CCR3: variants seen among roughly 807,000 people sequenced by gnomAD.
The protein encoded by CCR3 is C-C chemokine receptor type 3.
For missense variants in CCR3, 419 were observed against 437.5 expected (o/e 0.96, Z 0.38); for synonymous variants, 203 against 179.2 (o/e 1.13, Z -1.06).
chr3:46,215,274 C>A (rs1399182568), intron 2 of CCR3, among the ~76,000 whole-genome samples: 1 of 152,062 alleles, frequency 6.6e-6, no homozygotes, highest in African/African-American at 2.4e-5. Flanking sequence ...GTTAAGAGTC[C>A]TAAAAGTTGA....
At chr3:46,234,376 C>T (rs937983281) in intron 2 of CCR3, among the ~76,000 whole-genome samples, 3 of 152,146 alleles carry the variant, frequency 2.0e-5, no homozygotes, top group East Asian at 3.9e-4. Flanking sequence ...GGCCTGAGGG[C>T]TCTTGATACC....
At chr3:46,225,368 T>C (rs1358803168) in intron 2 of CCR3, among the ~76,000 whole-genome samples, 1 of 152,156 alleles carries the variant, frequency 6.6e-6, no homozygotes, top group African/African-American at 2.4e-5. Flanking sequence ...TCTTTGAACA[T>C]TTTTTAGGTA....
chr3:46,257,152 A>C (rs1700443103), intron 1 of CCR3, among the ~76,000 whole-genome samples: 2 of 152,204 alleles, frequency 1.3e-5, no homozygotes, highest in Non-Finnish European at 2.9e-5. Flanking sequence ...AAGGAACAGA[A>C]GTGATACACA....
chr3:46,257,427 C>CTT lies in CCR3; in HGVS notation c.-11-7701_-11-7700dup, dbSNP rs34426861. ...CCTCATACACTTAGCTTGTCCCAGGCTTTTTTTTTTTTTTTTTTTTTCTGG... is the reference window on the plus strand; with the variant it reads ...CCTCATACACTTAGCTTGTCCCAGGCTTTTTTTTTTTTTTTTTTTTTTTCTGG... On this transcript the variant is annotated intron_variant, in intron 1 of 1. Transcript: ENST00000395940. Among the ~76,000 whole-genome samples the CTT allele has an allele frequency of 2.7e-3, 282 of 103,904 alleles. 3 individuals are homozygous for CTT. Among genetic ancestry groups the CTT allele is most frequent in the Middle Eastern group, 6.4e-3 (1 of 156 alleles). 68.2% of individuals were successfully genotyped at this position (103,904 alleles called of 152,430 possible). A position where few individuals can be genotyped will look rare whatever the true frequency, so the allele number is the denominator to read the frequency against.
intron 1 of CCR3, among the ~76,000 whole-genome samples, chr3:46,263,186 A>C (rs41276529): frequency 0.17 from 25,950 of 152,272 alleles, 2,772 homozygotes; most frequent in East Asian, 0.27. Flanking sequence ...AAACTTAAGT[A>C]ATTTTTTTAA....
At chr3:46,219,758 G>C (rs189466323) in intron 2 of CCR3, among the ~76,000 whole-genome samples, 22 of 152,200 alleles carry the variant, frequency 1.4e-4, no homozygotes, top group Admixed American at 1.1e-3. Context: ...CCTTTCCAAC[G>C]AATGGTACTG....
chr3:46,255,549 A>G (rs1700405515), intron 1 of CCR3, among the ~76,000 whole-genome samples: 1 of 152,038 alleles, frequency 6.6e-6, no homozygotes, highest in Non-Finnish European at 1.5e-5. Flanking sequence ...TAAGTCTTTG[A>G]TCCATCTTGG....
chr3:46,217,664 T>C (rs964713059), intron 2 of CCR3, among the ~76,000 whole-genome samples: 1 of 151,954 alleles, frequency 6.6e-6, no homozygotes, highest in Non-Finnish European at 1.5e-5. Flanking sequence ...TAAAAGGAAC[T>C]GCCAAAACTA....
intron 2 of CCR3, among the ~76,000 whole-genome samples, chr3:46,212,178 C>G (rs1057066983): frequency 1.3e-5 from 2 of 152,178 alleles, no homozygotes; most frequent in African/African-American, 4.8e-5. Context: ...GCCCAGGCAC[C>G]TCAACTGCAT....
In CCR3 at chr3:46,265,487, C is replaced by G. The variant is rs552199050; in HGVS notation, c.329C>G (p.Ser110Ter). The change falls in exon 2 of 2, where the codon TCA (serine) becomes TGA (stop). Residue 110 changes from serine (S) to a stop codon, truncating the protein, a stop_gained. Coordinates refer to ENST00000395940, the MANE Select transcript of CCR3 (RefSeq NM_178329.3). LOFTEE classifies it low-confidence loss of function (END_TRUNC). ...VFGHGMCKLL[S>*]GFYHTGLYSE... ...GGCCATGGCATGTGTAAGCTCCTCTCAGGGTTTTATCACACAGGCTTGTAC... is the reference window on the plus strand; with the variant it reads ...GGCCATGGCATGTGTAAGCTCCTCTGAGGGTTTTATCACACAGGCTTGTAC... 6.2e-7 allele frequency: 1 copy of G among 1,614,194 alleles called. No homozygotes were observed. The highest frequency in any genetic ancestry group is 2.2e-5 in the East Asian group (1 of 44,880).
At chr3:46,215,478 C>G (rs1379034063) in intron 2 of CCR3, among the ~76,000 whole-genome samples, 2 of 152,140 alleles carry the variant, frequency 1.3e-5, no homozygotes, top group African/African-American at 4.8e-5. Context: ...CTGGACCCTG[C>G]TGTTCAAAGT....
intron 2 of CCR3, among the ~76,000 whole-genome samples, chr3:46,236,050 T>C (rs1575492960): frequency 6.6e-6 from 1 of 152,214 alleles, no homozygotes; most frequent in Non-Finnish European, 1.5e-5. Flanking sequence ...ATAATATTTA[T>C]ATATTGATTA....
At chr3:46,244,481 G>A (rs1017213980) in intron 1 of CCR3, among the ~76,000 whole-genome samples, 1 of 152,170 alleles carries the variant, frequency 6.6e-6, no homozygotes, top group Non-Finnish European at 1.5e-5. Context: ...AGCGAAGGGA[G>A]ATAAGGGTGG....
At chr3:46,231,046 T>A (rs1218153286) in intron 2 of CCR3, among the ~76,000 whole-genome samples, 1 of 152,194 alleles carries the variant, frequency 6.6e-6, no homozygotes, top group East Asian at 1.9e-4. Context: ...TGCCTCAGCC[T>A]CCCGAGTAGC....
chr3:46,226,177 T>C (rs772138657), intron 2 of CCR3, among the ~76,000 whole-genome samples: 2 of 152,216 alleles, frequency 1.3e-5, no homozygotes, highest in African/African-American at 2.4e-5. Flanking sequence ...TGACTTTCCA[T>C]ATAAACTTAA....
At chr3:46,261,802 G>C (rs1441035485) in intron 1 of CCR3, among the ~76,000 whole-genome samples, 4 of 152,228 alleles carry the variant, frequency 2.6e-5, no homozygotes, top group Admixed American at 1.3e-4. Flanking sequence ...CCTTGCCTCA[G>C]TGCCTACCAG....
intron 1 of CCR3, among the ~76,000 whole-genome samples, chr3:46,261,099 A>G (rs896503084): frequency 1.3e-5 from 2 of 152,194 alleles, no homozygotes. Flanking sequence ...AAACAGATCA[A>G]AATCACATTC....
rs1680479857 is a variant in CCR3 at position 46,265,250 on chromosome 3, C to T, written c.92C>T (p.Ala31Val). The change falls in exon 2 of 2, where the codon GCA (alanine) becomes GTA (valine). Residue 31 changes from alanine to valine, a missense_variant. Physicochemically the swap from Ala to Val is moderately conservative, Grantham distance 64. Coordinates refer to ENST00000395940, the MANE Select transcript of CCR3 (RefSeq NM_178329.3). ...GLLCEKADTRALMAQFVPPLY... is the reference protein window; with the variant it reads ...GLLCEKADTRVLMAQFVPPLY... ...CTCTGTGAAAAAGCTGATACCAGAG[C>T]ACTGATGGCCCAGTTTGTGCCCCCG... is the stretch of plus-strand genomic sequence containing the variant. The T allele has an allele frequency of 6.2e-7, 1 of 1,613,994 alleles. No individual in the cohort carries two copies. Among genetic ancestry groups the T allele is most frequent in the Non-Finnish European group, 8.5e-7 (1 of 1,179,936 alleles).
At chr3:46,238,830 G>T (rs1233005815), upstream of CCR3, among the ~76,000 whole-genome samples, 1 of 152,174 alleles carries the variant, frequency 6.6e-6, no homozygotes, top group Non-Finnish European at 1.5e-5. Context: ...TGAGAAAAAA[G>T]CTAGACACAG....
Sources: allele counts gnomAD v4.1 joint callset (sites outside exome capture counted in the v4.1 genomes callset), GRCh38; gene constraint gnomAD v4.1.1; transcripts MANE v1.5; gene names NCBI Gene and HGNC (gene_info 2026-07-23, HGNC 2026-07-21).